TASP1: variants seen among roughly 807,000 people sequenced by gnomAD.
TASP1 encodes taspase 1.
In TASP1, 16 loss-of-function variants were observed where a neutral mutation model predicts 56.6. That is an observed-to-expected ratio of 0.28 (90% CI 0.19 to 0.43). The LOEUF (loss-of-function observed/expected upper bound fraction) is 0.43, where lower values mean the gene tolerates loss of function less well. TASP1 is among the 20% of genes least tolerant of loss of function. The pLI, the probability that TASP1 is intolerant of heterozygous loss-of-function variation, is 1.00. For missense variants in TASP1, 393 were observed against 511.6 expected, an observed-to-expected ratio of 0.77 and a Z score of 2.24; for synonymous variants, 179 against 184.2, an observed-to-expected ratio of 0.97 and a Z score of 0.23.
At chr20:13,126,838 A>C in the TASP1 span, 1 of 1,335,312 alleles carries the variant, frequency 7.5e-7, no homozygotes, top group Non-Finnish European at 9.9e-7. Flanking sequence ...AAATCAAGCC[A>C]TGTGATAAAT....
rs2041212197 is a variant in TASP1, at chr20:13,389,990, A to T, written c.*370T>A. The T allele has an allele frequency of 5.2e-6, 1 of 193,502 alleles. No individual in the cohort carries two copies. Among genetic ancestry groups the T allele is most frequent in the African/African-American group, 2.4e-5 (1 of 42,394 alleles). 12.0% of individuals were successfully genotyped at this position (193,502 alleles called of 1,614,324 possible). A position where few individuals can be genotyped will look rare whatever the true frequency, so the allele number is the denominator to read the frequency against. ...CAGTTGGTACCTCTTTACGAAATAA[A>T]AAATGTTTCCTGCAACTTTAGGTTT... On this transcript the variant is annotated 3_prime_UTR_variant, in exon 14 of 14. Transcript: ENST00000337743.
intron 12 of TASP1, among the ~76,000 whole-genome samples, chr20:13,432,667 C>A (rs975507251): frequency 6.6e-6 from 1 of 152,132 alleles, no homozygotes; most frequent in Non-Finnish European, 1.5e-5. Context: ...ACTGGCACTT[C>A]ACACTTAATG....
At chr20:13,272,830 C>T in the TASP1 span, among the ~76,000 whole-genome samples, 1 of 152,218 alleles carries the variant, frequency 6.6e-6, no homozygotes, top group African/African-American at 2.4e-5. Flanking sequence ...TATCATGGCT[C>T]ATCCATGTGT....
At chr20:13,242,552 G>A in the TASP1 span, among the ~76,000 whole-genome samples, 1 of 152,176 alleles carries the variant, frequency 6.6e-6, no homozygotes. Context: ...GACAGGCTGA[G>A]TCCAATTAAG....
chr20:13,543,541 G>C (rs1244889960), intron 8 of TASP1, among the ~76,000 whole-genome samples: 1 of 152,110 alleles, frequency 6.6e-6, no homozygotes, highest in Non-Finnish European at 1.5e-5. Context: ...GTGGAGGCTA[G>C]AGTGAGCCGA....
the TASP1 span, among the ~76,000 whole-genome samples, chr20:13,344,756 G>A: frequency 1.1e-4 from 17 of 152,152 alleles, no homozygotes; most frequent in African/African-American, 3.9e-4. Flanking sequence ...TTCCCAACGT[G>A]CCTTTCCCCT....
chr20:13,585,710 C>T lies in TASP1; in HGVS notation c.403+1540G>A, dbSNP rs546580794. On this transcript the variant is annotated intron_variant, in intron 5 of 13. Coordinates refer to ENST00000337743, the MANE Select transcript of TASP1 (RefSeq NM_017714.3). The stretch of plus-strand genomic sequence containing the variant: ...TGAATTTTAAAAACAATTAACAATA[C>T]CAAAAATTGGCAAGGATGCAGAGTA... Among the ~76,000 whole-genome samples the T allele has an allele frequency of 2.6e-5, 4 of 152,206 alleles. No individual in the cohort carries two copies. In the South Asian group the frequency reaches 8.3e-4, roughly 32 times the overall value.
chr20:13,508,173 C>A (rs1163714474), intron 10 of TASP1, among the ~76,000 whole-genome samples: 2 of 148,586 alleles, frequency 1.3e-5, no homozygotes, highest in African/African-American at 5.0e-5. Flanking sequence ...AGCTCCATGA[C>A]AAATGTGTTG....
At chr20:13,187,582 T>C in the TASP1 span, among the ~76,000 whole-genome samples, 1 of 151,500 alleles carries the variant, frequency 6.6e-6, no homozygotes, top group Non-Finnish European at 1.5e-5. Context: ...ACCCTGTCTC[T>C]ACTAAAAATA....
chr20:13,404,968 TTTTATC>T (rs1174313483), intron 13 of TASP1, among the ~76,000 whole-genome samples: 1 of 152,200 alleles, frequency 6.6e-6, no homozygotes, highest in African/African-American at 2.4e-5. Context: ...TTGGTTATAT[TTTTATC>T]TTTAAGAGCC....
intron 1 of TASP1, among the ~76,000 whole-genome samples, chr20:13,637,369 C>T (rs2049346394): frequency 6.6e-6 from 1 of 152,188 alleles, no homozygotes; most frequent in Non-Finnish European, 1.5e-5. Flanking sequence ...ACCATATGCC[C>T]ACCAATTCCA....
chr20:13,126,810 T>A, the TASP1 span: 1 of 1,465,734 alleles, frequency 6.8e-7, no homozygotes, highest in Non-Finnish European at 9.1e-7. Context: ...CACCTTTATC[T>A]TATAGAACCC....
At chr20:13,581,360 G>A (rs1245456685) in intron 5 of TASP1, among the ~76,000 whole-genome samples, 1 of 152,034 alleles carries the variant, frequency 6.6e-6, no homozygotes, top group African/African-American at 2.4e-5. Context: ...ACATGCTCCA[G>A]GCATTTAGTG....
the TASP1 span, among the ~76,000 whole-genome samples, chr20:13,202,311 G>A: frequency 0.016 from 2,443 of 152,262 alleles, 111 homozygotes; most frequent in East Asian, 0.19. Context: ...GTTATACAGT[G>A]CATCCACCAC....
the TASP1 span, among the ~76,000 whole-genome samples, chr20:13,285,330 C>T: frequency 6.6e-6 from 1 of 152,038 alleles, no homozygotes; most frequent in Non-Finnish European, 1.5e-5. Flanking sequence ...AAAAGCCAAC[C>T]GCAAAATTAA....
the TASP1 span, among the ~76,000 whole-genome samples, chr20:13,360,937 C>T: frequency 2.8e-4 from 42 of 151,918 alleles, no homozygotes; most frequent in Admixed American, 3.9e-4. Context: ...TTATTGATGG[C>T]GGTTCCACCA....
rs542185594 is a variant in TASP1, at chr20:13,602,456, G to C, written c.283-15086C>G. The stretch of plus-strand genomic sequence containing the variant: ...TGTCAGTTAATAATGTATCAATAAA[G>C]GTTCATTCATTATGACAAATGTACC... On this transcript the variant is annotated intron_variant, in intron 4 of 13. Coordinates refer to ENST00000337743, the MANE Select transcript of TASP1 (RefSeq NM_017714.3). Among the ~76,000 whole-genome samples, 10 of 152,268 alleles carry C rather than the reference G, an allele frequency of 6.6e-5. No homozygotes were observed. In the South Asian group the frequency reaches 2.1e-3, roughly 32 times the overall value.
At chr20:13,335,449 C>A in the TASP1 span, among the ~76,000 whole-genome samples, 2 of 151,848 alleles carry the variant, frequency 1.3e-5, no homozygotes, top group East Asian at 3.9e-4. Flanking sequence ...TTCCTGATAA[C>A]CCTATGATGA....
the TASP1 span, among the ~76,000 whole-genome samples, chr20:13,199,313 T>G: frequency 2.6e-5 from 4 of 152,134 alleles, no homozygotes; most frequent in African/African-American, 9.7e-5. Flanking sequence ...GGCTTATATT[T>G]GAATAATAAC....
Sources: gnomAD v4.1 joint callset for allele counts (sites outside exome capture counted in the v4.1 genomes callset) on GRCh38, gnomAD v4.1.1 for gene constraint, MANE v1.5 for transcripts, NCBI Gene and HGNC (gene_info 2026-07-23, HGNC 2026-07-21) for gene names.